The following PAAF1 variants were observed in gnomAD, a reference collection of about 807,000 sequenced individuals.
The protein encoded by PAAF1 is proteasomal ATPase associated factor 1, also known as proteasomal ATPase-associated factor 1.
Under a neutral mutation model 52.8 loss-of-function variants are expected in PAAF1, and 46 were observed. The ratio of observed to expected loss-of-function variants is 0.87; its 90% confidence interval spans 0.69 to 1.11. PAAF1 has a LOEUF of 1.11. Ranked by LOEUF, PAAF1 falls within the 50% of genes most tolerant of loss-of-function variation. The pLI, the probability that PAAF1 is intolerant of heterozygous loss-of-function variation, is 0.00. For missense variants in PAAF1, 424 were observed against 477.4 expected (o/e 0.89, Z 1.04); for synonymous variants, 178 against 172.8 (o/e 1.03, Z -0.24).
chr11:73,912,329 T>G (rs1179412518), intron 7 of PAAF1, among the ~76,000 whole-genome samples: 1 of 152,100 alleles, frequency 6.6e-6, no homozygotes, highest in African/African-American at 2.4e-5. Context: ...TAACAAGGAG[T>G]GTTTGATCCC....
chr11:73,888,496 C>T (rs1949119819), intron 3 of PAAF1, among the ~76,000 whole-genome samples: 1 of 152,180 alleles, frequency 6.6e-6, no homozygotes, highest in Admixed American at 6.5e-5. Flanking sequence ...CTGACTGCTG[C>T]AGTTAGTATG....
In PAAF1 at chr11:73,903,792, A is replaced by T. The variant is rs185313176; in HGVS notation, c.532+3372A>T. Among the ~76,000 whole-genome samples, 667 of 150,664 alleles carry T rather than the reference A, an allele frequency of 4.4e-3. 1 individual carries two copies. The highest frequency in any genetic ancestry group is 7.7e-3 in the Non-Finnish European group (520 of 67,656). ...ATGAACCCATATAAAAAGAAACATTAAAAAAAATTGGCCGGGCGCAGCGTC... is the reference window on the plus strand; with the variant it reads ...ATGAACCCATATAAAAAGAAACATTTAAAAAAATTGGCCGGGCGCAGCGTC... On this transcript the variant is annotated intron_variant, in intron 6 of 11. Transcript: ENST00000310571.
chr11:73,902,036 G>C (rs188742931), intron 6 of PAAF1, among the ~76,000 whole-genome samples: 1 of 151,158 alleles, frequency 6.6e-6, no homozygotes, highest in Non-Finnish European at 1.5e-5. Flanking sequence ...ACTAATTTTT[G>C]TATTTTTTAG....
At position 73,909,570 on chromosome 11, in the gene PAAF1, T is replaced by G. The variant is rs764967143; in HGVS notation, c.704T>G (p.Leu235Arg). 2.5e-6 allele frequency: 4 copies of G among 1,614,132 alleles called. No homozygotes were observed. The Admixed American group carries it at 6.7e-5, about 27-fold the overall frequency. Residue 235 changes from leucine to arginine, a missense_variant, in exon 7 of 12, where the codon CTT becomes CGT. By Grantham distance (102) the Leu-to-Arg change is moderately radical (BLOSUM62 -2). Coordinates refer to ENST00000310571, the MANE Select transcript of PAAF1 (RefSeq NM_025155.3). Reference protein sequence around the residue: ...AVGAADNSINLGSPEQMPSER... With the variant: ...AVGAADNSINRGSPEQMPSER... ...GGTGCTGCTGACAACTCCATAAACC[T>G]TGGCTCCCCTGAGCAGATGCCCAGT...
At chr11:73,910,175 A>T (rs1457744010) in intron 7 of PAAF1, among the ~76,000 whole-genome samples, 1 of 152,190 alleles carries the variant, frequency 6.6e-6, no homozygotes, top group Non-Finnish European at 1.5e-5. Context: ...CTCCCACCAC[A>T]GCCTCCCTAA....
At chr11:73,880,453 TGA>T (rs1948861858) in intron 2 of PAAF1, 2 of 147,730 alleles carry the variant, frequency 1.4e-5, no homozygotes, top group Non-Finnish European at 3.0e-5. Flanking sequence ...TACTTCAGCC[TGA>T]GAGACAGAGC....
intron 4 of PAAF1, 81 bp from the exon 5 acceptor site, chr11:73,899,065 A>C (rs1670558): frequency 0.32 from 358,428 of 1,129,624 alleles, 63,877 homozygotes; most frequent in African/African-American, 0.65. Flanking sequence ...AAGAGTGAAA[A>C]AAGGGAAGTT....
chr11:73,888,317 G>A (rs545210961), intron 3 of PAAF1, among the ~76,000 whole-genome samples: 13 of 152,274 alleles, frequency 8.5e-5, no homozygotes, highest in Admixed American at 3.9e-4. Context: ...GCCTGATACG[G>A]CCATTACCTA....
At chr11:73,909,973 T>A (rs1338398398) in intron 7 of PAAF1, among the ~76,000 whole-genome samples, 1 of 152,218 alleles carries the variant, frequency 6.6e-6, no homozygotes, top group African/African-American at 2.4e-5. Flanking sequence ...TTAAGAAAGT[T>A]TATGAATTTG....
At chr11:73,878,289 G>A (rs1224740109) in intron 1 of PAAF1, among the ~76,000 whole-genome samples, 1 of 152,198 alleles carries the variant, frequency 6.6e-6, no homozygotes, top group African/African-American at 2.4e-5. Context: ...AAATGATAGA[G>A]GGTTGCTGTC....
At chr11:73,896,053 G>A (rs1949342330) in intron 4 of PAAF1, among the ~76,000 whole-genome samples, 1 of 152,184 alleles carries the variant, frequency 6.6e-6, no homozygotes, top group South Asian at 2.1e-4. Context: ...AGGCTGTAGT[G>A]AGTTGTAATC....
Position 73,881,780 on chromosome 11 carries a change from C to T in PAAF1, c.88+2961C>T, listed in dbSNP as rs1234695194. Among the ~76,000 whole-genome samples the T allele has an allele frequency of 2.6e-5, 4 of 152,092 alleles. No homozygotes were observed. In the South Asian group the frequency reaches 6.2e-4, roughly 24 times the overall value. ...GGAGTGCAGTGGTGCAATCTTGGCT[C>T]ACTGCAACCTCTGCCTCCTGGGTTC... On this transcript the variant is annotated intron_variant, in intron 2 of 11. Transcript: ENST00000310571.
At chr11:73,895,010 T>C (rs1949305865) in intron 4 of PAAF1, among the ~76,000 whole-genome samples, 1 of 152,228 alleles carries the variant, frequency 6.6e-6, no homozygotes, top group Admixed American at 6.5e-5. Context: ...GTGCTCCTTT[T>C]CTATTTCTTA....
Position 73,929,232 on chromosome 11 carries a change from G to C in PAAF1, c.*1870G>C, listed in dbSNP as rs941536094. 6.6e-6 allele frequency: 1 copy of C among 151,852 alleles called. No homozygotes were observed. Among genetic ancestry groups the C allele is most frequent in the Non-Finnish European group, 1.5e-5 (1 of 68,006 alleles). The allele number at this position is 151,852 out of a possible 1,614,324, so 9.4% of individuals were successfully genotyped here. A position where few individuals can be genotyped will look rare whatever the true frequency, so the allele number is the denominator to read the frequency against. ...CGGCTAATTTTTTAAATTTTTTGTA[G>C]AGACAGAGTCTCACCATGTTGCCCA... On this transcript the variant is annotated 3_prime_UTR_variant, in exon 12 of 12. Coordinates refer to ENST00000310571, the MANE Select transcript of PAAF1 (RefSeq NM_025155.3).
intron 7 of PAAF1, among the ~76,000 whole-genome samples, chr11:73,912,883 C>CT: frequency 6.6e-6 from 1 of 152,014 alleles, no homozygotes; most frequent in Non-Finnish European, 1.5e-5. Flanking sequence ...ACTTTGCCTT[C>CT]TTTTTTTTAA....
intron 6 of PAAF1, among the ~76,000 whole-genome samples, chr11:73,900,911 G>A (rs1486760257): frequency 6.8e-6 from 1 of 148,078 alleles, no homozygotes; most frequent in Non-Finnish European, 1.5e-5. Flanking sequence ...GAACCCGGGA[G>A]GCGGAGCTTG....
intron 8 of PAAF1, 24 bp from the exon 9 acceptor site, chr11:73,916,520 AT>A: frequency 6.6e-7 from 1 of 1,505,038 alleles, no homozygotes. Flanking sequence ...TTTAAACAGC[AT>A]TTTTGCCTCC....
intron 5 of PAAF1, 59 bp downstream of exon 5, chr11:73,899,303 G>A (rs1308013273): frequency 9.2e-6 from 12 of 1,300,884 alleles, no homozygotes; most frequent in Non-Finnish European, 1.3e-5. Flanking sequence ...GAGAAGCCTT[G>A]GACTGGGACA....
chr11:73,880,264 C>T (rs1190185458), intron 2 of PAAF1: 1 of 151,062 alleles, frequency 6.6e-6, no homozygotes, highest in East Asian at 1.9e-4. Flanking sequence ...GACCCTGGCT[C>T]TAAAAAAAGA....
Sources: allele counts gnomAD v4.1 joint callset (sites outside exome capture counted in the v4.1 genomes callset), GRCh38; gene constraint gnomAD v4.1.1; transcripts MANE v1.5; gene names NCBI Gene and HGNC (gene_info 2026-07-23, HGNC 2026-07-21).